The following SGMS1 variants were observed in gnomAD, a reference collection of about 807,000 sequenced individuals.
SGMS1 encodes sphingomyelin synthase 1, also known as phosphatidylcholine:ceramide cholinephosphotransferase 1.
SGMS1 carries 13 observed loss-of-function variants against 46.2 expected under a neutral mutation model. That is an observed-to-expected ratio of 0.28 (90% confidence interval 0.18 to 0.45). The LOEUF is 0.45. Among genes scored for constraint, SGMS1 ranks in the 20% least tolerant of loss-of-function variants. The pLI is 1.00. For synonymous variants in SGMS1, 203 were observed against 187.8 expected (o/e 1.08, Z -0.66); for missense variants, 324 against 519.9 (o/e 0.62, Z 3.66).
chr10:50,425,862 C>CT (rs977715804), intron 6 of SGMS1, among the ~76,000 whole-genome samples: 51 of 152,136 alleles, frequency 3.4e-4, no homozygotes, highest in Non-Finnish European at 1.0e-4. Flanking sequence ...AGTTAAAACT[C>CT]TTTTTTTCCC....
At chr10:50,336,635 T>C (rs1301033706) in intron 7 of SGMS1, among the ~76,000 whole-genome samples, 1 of 152,138 alleles carries the variant, frequency 6.6e-6, no homozygotes, top group African/African-American at 2.4e-5. Flanking sequence ...GCACGTGGCA[T>C]CTACAACACT....
intron 2 of SGMS1, among the ~76,000 whole-genome samples, chr10:50,550,573 A>C (rs1364394029): frequency 3.9e-5 from 6 of 151,974 alleles, no homozygotes; most frequent in African/African-American, 9.7e-5. Flanking sequence ...AGACTCCTAT[A>C]CTATCTATCC....
chr10:50,340,964 C>T (rs927646758), intron 7 of SGMS1, among the ~76,000 whole-genome samples: 1 of 152,130 alleles, frequency 6.6e-6, no homozygotes, highest in South Asian at 2.1e-4. Flanking sequence ...GAATTACTGG[C>T]CAAATAGGCT....
chr10:50,474,831 T>A (rs1472846271), intron 3 of SGMS1, among the ~76,000 whole-genome samples: 1 of 152,202 alleles, frequency 6.6e-6, no homozygotes, highest in African/African-American at 2.4e-5. Flanking sequence ...TCAGAAATGA[T>A]GCTACAACCT....
intron 2 of SGMS1, among the ~76,000 whole-genome samples, chr10:50,573,014 AG>A (rs1414067185): frequency 1.3e-5 from 2 of 152,190 alleles, no homozygotes; most frequent in African/African-American, 4.8e-5. Flanking sequence ...CTGCAGAAAA[AG>A]CATCTAACAA....
Position 50,344,312 on chromosome 10 carries a change from T to A in SGMS1, c.-198A>T, listed in dbSNP as rs761893228. The A allele has an allele frequency of 1.5e-4, 82 of 542,496 alleles. No homozygotes were observed. The highest frequency in any genetic ancestry group is 2.4e-4 in the Non-Finnish European group (76 of 318,956). 33.6% of individuals were successfully genotyped at this position (542,496 alleles called of 1,614,324 possible). A position where few individuals can be genotyped will look rare whatever the true frequency, so the allele number is the denominator to read the frequency against. The stretch of plus-strand genomic sequence containing the variant: ...CCAGGGTTCCTGAGCGCCCAAGTAT[T>A]AATTCACCTCATTTTTGAGCAGGAT... On this transcript the variant is annotated 5_prime_UTR_variant, in exon 7 of 11. Transcript: ENST00000361781.
chr10:50,491,188 G>A (rs182066185), intron 3 of SGMS1, among the ~76,000 whole-genome samples: 1 of 152,002 alleles, frequency 6.6e-6, no homozygotes, highest in East Asian at 1.9e-4. Context: ...TTTACAAAAA[G>A]GAAATTTAAA....
chr10:50,404,076 T>C (rs1415515466), intron 6 of SGMS1, among the ~76,000 whole-genome samples: 2 of 151,356 alleles, frequency 1.3e-5, no homozygotes, highest in African/African-American at 4.9e-5. Context: ...GTCAATATGA[T>C]AAAGACAAGA....
intron 1 of SGMS1, among the ~76,000 whole-genome samples, chr10:50,593,891 C>T (rs1838566020): frequency 6.6e-6 from 1 of 152,194 alleles, no homozygotes. Context: ...TTTTCTGCTA[C>T]TTTGAATAAT....
At chr10:50,445,579 C>T (rs1837001131) in intron 5 of SGMS1, among the ~76,000 whole-genome samples, 1 of 152,184 alleles carries the variant, frequency 6.6e-6, no homozygotes, top group African/African-American at 2.4e-5. Flanking sequence ...TTCATGGACA[C>T]TTATCACTTC....
At chr10:50,491,245 T>C (rs543599797) in intron 3 of SGMS1, among the ~76,000 whole-genome samples, 1 of 152,146 alleles carries the variant, frequency 6.6e-6, no homozygotes, top group Non-Finnish European at 1.5e-5. Flanking sequence ...TCCTAGCTAA[T>C]TGGGAGGCTG....
intron 1 of SGMS1, among the ~76,000 whole-genome samples, chr10:50,599,799 GTT>G (rs1274621328): frequency 6.6e-6 from 1 of 152,072 alleles, no homozygotes; most frequent in Non-Finnish European, 1.5e-5. Flanking sequence ...GGAGTCAGAG[GTT>G]GCAGTGAGCC....
At chr10:50,593,523 G>A (rs1838562191) in intron 1 of SGMS1, among the ~76,000 whole-genome samples, 1 of 151,480 alleles carries the variant, frequency 6.6e-6, no homozygotes, top group African/African-American at 2.4e-5. Context: ...TGGAAGCCGT[G>A]TGTGTGTGTC....
chr10:50,455,709 A>G (rs1018476195), intron 5 of SGMS1, among the ~76,000 whole-genome samples: 2 of 152,230 alleles, frequency 1.3e-5, no homozygotes, highest in Non-Finnish European at 2.9e-5. Flanking sequence ...AAATGAGTCT[A>G]GAAATAGATA....
chr10:50,315,088 C>T (rs75224618), intron 8 of SGMS1, among the ~76,000 whole-genome samples: 4,740 of 152,170 alleles, frequency 0.031, 77 homozygotes, highest in South Asian at 0.067. Flanking sequence ...AATTTAAATG[C>T]ACATTAAGAT....
intron 1 of SGMS1, among the ~76,000 whole-genome samples, chr10:50,612,283 T>C (rs529027239): frequency 6.8e-4 from 104 of 152,378 alleles, no homozygotes; most frequent in African/African-American, 2.4e-3. Flanking sequence ...ATGAAACTTT[T>C]AGAAGACTGA....
At chr10:50,568,358 C>A (rs1838308085) in intron 2 of SGMS1, among the ~76,000 whole-genome samples, 2 of 152,166 alleles carry the variant, frequency 1.3e-5, no homozygotes, top group Admixed American at 1.3e-4. Context: ...AAGGAATGAA[C>A]ACTTGAAAGA....
chr10:50,607,427 T>A (rs952773336), intron 1 of SGMS1, among the ~76,000 whole-genome samples: 7 of 152,206 alleles, frequency 4.6e-5, no homozygotes, highest in Non-Finnish European at 8.8e-5. Flanking sequence ...GGCAAACATT[T>A]GTCACATATT....
intron 3 of SGMS1, among the ~76,000 whole-genome samples, chr10:50,508,303 T>C (rs577509482): frequency 2.6e-4 from 39 of 152,320 alleles, no homozygotes; most frequent in African/African-American, 8.4e-4. Context: ...CATAAGTTTA[T>C]GGGGTCTCCA....
Sources: gnomAD v4.1 joint callset for allele counts (sites outside exome capture counted in the v4.1 genomes callset) on GRCh38, gnomAD v4.1.1 for gene constraint, MANE v1.5 for transcripts, NCBI Gene and HGNC (gene_info 2026-07-23, HGNC 2026-07-21) for gene names.